Variants in FHIT observed in about 807,000 individuals in gnomAD.
FHIT encodes the protein bis(5'-adenosyl)-triphosphatase.
FHIT carries 19 observed loss-of-function variants against 17.9 expected under a neutral mutation model. The ratio of observed to expected loss-of-function variants is 1.06; its 90% confidence interval spans 0.74 to 1.56. The LOEUF (loss-of-function observed/expected upper bound fraction) is 1.56. FHIT is among the 40% of genes most tolerant of loss of function. FHIT has a pLI of 0.00. For synonymous variants in FHIT, 81 were observed against 69.7 expected, an observed-to-expected ratio of 1.16 and a Z score of -0.81; for missense variants, 248 against 189.2, an observed-to-expected ratio of 1.31 and a Z score of -1.82.
intron 5 of FHIT, among the ~76,000 whole-genome samples, chr3:60,499,028 T>C (rs1172930916): frequency 3.7e-5 from 5 of 134,054 alleles, no homozygotes; most frequent in Non-Finnish European, 4.7e-5. Flanking sequence ...GCGTGATAGA[T>C]GTGAACTATA....
At chr3:60,721,397 TTCAC>T (rs1173862337) in intron 4 of FHIT, among the ~76,000 whole-genome samples, 1 of 148,894 alleles carries the variant, frequency 6.7e-6, no homozygotes, top group Non-Finnish European at 1.5e-5. Flanking sequence ...TTTTAAGGGT[TTCAC>T]ACACACACAC....
intron 5 of FHIT, among the ~76,000 whole-genome samples, chr3:60,397,870 A>G (rs1559882111): frequency 6.6e-6 from 1 of 152,066 alleles, no homozygotes; most frequent in African/African-American, 2.4e-5. Flanking sequence ...CTACACTGCC[A>G]CGCCCACCTT....
intron 7 of FHIT, among the ~76,000 whole-genome samples, chr3:59,930,219 T>C (rs623645): frequency 6.6e-6 from 1 of 151,832 alleles, no homozygotes; most frequent in African/African-American, 2.4e-5. Context: ...ACCTGGAGAG[T>C]GAGAAAAGCC....
At chr3:59,997,267 T>C (rs6784057) in intron 7 of FHIT, among the ~76,000 whole-genome samples, 52,110 of 152,082 alleles carry the variant, frequency 0.34, 10,861 homozygotes, top group East Asian at 0.53. Context: ...GGGAAAGTAA[T>C]ACATTTTCTT....
intron 7 of FHIT, among the ~76,000 whole-genome samples, chr3:60,007,689 C>G (rs965552429): frequency 6.6e-6 from 1 of 152,128 alleles, no homozygotes; most frequent in African/African-American, 2.4e-5. Context: ...GACCTAAAGA[C>G]AACTGTGTAT....
intron 5 of FHIT, among the ~76,000 whole-genome samples, chr3:60,390,412 A>C (rs906538312): frequency 1.3e-4 from 16 of 124,126 alleles, no homozygotes; most frequent in East Asian, 2.5e-4. Context: ...AAAAAAAAAA[A>C]AAAAAAAAAA....
At chr3:59,862,304 A>G (rs1702441611) in intron 8 of FHIT, among the ~76,000 whole-genome samples, 1 of 152,208 alleles carries the variant, frequency 6.6e-6, no homozygotes. Flanking sequence ...CTTACTCACT[A>G]TCACAAGAAC....
chr3:59,757,064 G>C (rs138848507), intron 8 of FHIT, among the ~76,000 whole-genome samples: 1 of 152,128 alleles, frequency 6.6e-6, no homozygotes, highest in South Asian at 2.1e-4. Context: ...GGTAAGTCAC[G>C]TAAGTTAAAT....
intron 4 of FHIT, among the ~76,000 whole-genome samples, chr3:60,803,125 T>G (rs58299228): frequency 0.028 from 4,202 of 152,212 alleles, 67 homozygotes; most frequent in Non-Finnish European, 0.04. Context: ...AGAAAACAAG[T>G]CTTCCGGTTA....
At chr3:60,575,082 G>A (rs1045525989) in intron 4 of FHIT, among the ~76,000 whole-genome samples, 31 of 152,020 alleles carry the variant, frequency 2.0e-4, no homozygotes, top group African/African-American at 7.0e-4. Flanking sequence ...TCTCCAAAGA[G>A]TTTTCCTTCT....
chr3:60,657,723 G>T (rs1163309975), intron 4 of FHIT, among the ~76,000 whole-genome samples: 1 of 152,084 alleles, frequency 6.6e-6, no homozygotes, highest in Admixed American at 6.6e-5. Context: ...AATCCTCTTA[G>T]ACTGGTTTAT....
chr3:60,098,113 C>T (rs79882272), intron 5 of FHIT, among the ~76,000 whole-genome samples: 1 of 141,936 alleles, frequency 7.0e-6, no homozygotes, highest in African/African-American at 2.6e-5. Context: ...TCCAGTCTAT[C>T]CTTGTTGGAC....
At position 61,046,943 on chromosome 3, in the gene FHIT, G is replaced by A. The variant is rs10177470; in HGVS notation, c.-163-4844C>T. 7.3e-4 allele frequency among the ~76,000 whole-genome samples: 111 copies of A among 152,020 alleles called. 2 individuals are homozygous for A. Among genetic ancestry groups the A allele is most frequent in the Admixed American group, 2.0e-4 (3 of 15,258 alleles). On this transcript the variant is annotated intron_variant, in intron 2 of 9. Transcript: ENST00000492590. ...AAAAGCCTTCGAAAAAATTTGACAG[G>A]CCTTCATGCTAAAAACTCTCAATAA...
At chr3:61,018,963 T>G (rs541715503) in intron 3 of FHIT, among the ~76,000 whole-genome samples, 6 of 152,176 alleles carry the variant, frequency 3.9e-5, no homozygotes, top group Non-Finnish European at 7.4e-5. Flanking sequence ...AGATTCTAAA[T>G]GAGATAAACC....
chr3:61,103,706 TC>T (rs1358277268), intron 2 of FHIT, among the ~76,000 whole-genome samples: 1 of 152,144 alleles, frequency 6.6e-6, no homozygotes, highest in Non-Finnish European at 1.5e-5. Flanking sequence ...TTTGTAGGTC[TC>T]TGAGGACTTG....
At chr3:60,017,204 G>T (rs1157066905) in intron 5 of FHIT, among the ~76,000 whole-genome samples, 1 of 152,080 alleles carries the variant, frequency 6.6e-6, no homozygotes, top group African/African-American at 2.4e-5. Flanking sequence ...TAAATAGAAG[G>T]CTATGATGCA....
chr3:60,926,844 T>C (rs1250771647), intron 3 of FHIT, among the ~76,000 whole-genome samples: 1 of 152,106 alleles, frequency 6.6e-6, no homozygotes, highest in Non-Finnish European at 1.5e-5. Context: ...AAGAATCAAA[T>C]AGACGCAATA....
intron 5 of FHIT, among the ~76,000 whole-genome samples, chr3:60,346,246 C>G (rs546548992): frequency 1.3e-5 from 2 of 152,312 alleles, no homozygotes; most frequent in South Asian, 4.1e-4. Flanking sequence ...AGAAATTCTA[C>G]CAGCTTAGCC....
chr3:60,576,854 T>C (rs1456491056), intron 4 of FHIT, among the ~76,000 whole-genome samples: 1 of 151,980 alleles, frequency 6.6e-6, no homozygotes, highest in Non-Finnish European at 1.5e-5. Context: ...TTTATTAATA[T>C]ACATTTTACT....
Sources: gnomAD v4.1 joint callset for allele counts (sites outside exome capture counted in the v4.1 genomes callset) on GRCh38, gnomAD v4.1.1 for gene constraint, MANE v1.5 for transcripts, NCBI Gene and HGNC (gene_info 2026-07-23, HGNC 2026-07-21) for gene names.